The following TBC1D22B variants were observed in gnomAD, a reference collection of about 807,000 sequenced individuals.
The protein encoded by TBC1D22B is chromosome 6 open reading frame 197.
In TBC1D22B, 32 loss-of-function variants were observed where a neutral mutation model predicts 69.1. That is an observed-to-expected ratio of 0.46 (90% CI 0.35 to 0.62). The LOEUF is 0.62. TBC1D22B is among the 20% of genes least tolerant of loss of function. The pLI, the probability that TBC1D22B is intolerant of heterozygous loss-of-function variation, is 0.00. For missense variants in TBC1D22B, 462 were observed against 630.9 expected (o/e 0.73, Z 2.87); for synonymous variants, 206 against 229.8 (o/e 0.90, Z 0.94).
rs139229363 is a variant in TBC1D22B, at chr6:37,316,961, T to C, written c.1293+131T>C. The C allele has an allele frequency of 5.7e-4, 871 of 1,528,158 alleles. 4 individuals are homozygous for C. In the African/African-American group the frequency reaches 9.8e-3, roughly 17 times the overall value. 94.7% of individuals were successfully genotyped at this position (1,528,158 alleles called of 1,614,324 possible). On this transcript the variant is annotated intron_variant, in intron 11 of 12. Coordinates refer to ENST00000373491, the MANE Select transcript of TBC1D22B (RefSeq NM_017772.4). The stretch of plus-strand genomic sequence containing the variant: ...TTCTACTTCCATGTCTGCTTTAGCC[T>C]CAGGGCAGGGCCTTTGCTAAGTCTC...
chr6:37,260,083 C>T (rs1487976756), intron 1 of TBC1D22B, among the ~76,000 whole-genome samples: 2 of 152,218 alleles, frequency 1.3e-5, no homozygotes, highest in Non-Finnish European at 2.9e-5. Flanking sequence ...TACTGTTCAG[C>T]TGTGTGCTTT....
At position 37,325,863 on chromosome 6, in the gene TBC1D22B, C is replaced by T. The variant is rs147233097; in HGVS notation, c.1390-5181C>T. Reference sequence around the variant, plus strand: ...TGGGCAGGGTTTCCCATTGTTGCAGCATGAGGACAGCAGGTGGTAGACTAG... The same window carrying T: ...TGGGCAGGGTTTCCCATTGTTGCAGTATGAGGACAGCAGGTGGTAGACTAG... On this transcript the variant is annotated intron_variant, in intron 12 of 12. Coordinates refer to ENST00000373491, the MANE Select transcript of TBC1D22B (RefSeq NM_017772.4). Among the ~76,000 whole-genome samples the T allele has an allele frequency of 3.6e-3, 554 of 152,270 alleles. 2 individuals carry two copies. Among genetic ancestry groups the T allele is most frequent in the African/African-American group, 0.012 (515 of 41,536 alleles).
intron 1 of TBC1D22B, among the ~76,000 whole-genome samples, chr6:37,264,570 C>T (rs1766213225): frequency 6.6e-6 from 1 of 152,204 alleles, no homozygotes; most frequent in Non-Finnish European, 1.5e-5. Flanking sequence ...CTCGGCCTCT[C>T]AAAGTGCAGG....
intron 8 of TBC1D22B, among the ~76,000 whole-genome samples, chr6:37,298,004 A>G (rs954847496): frequency 6.6e-6 from 1 of 152,158 alleles, no homozygotes; most frequent in African/African-American, 2.4e-5. Context: ...ATGAGAACAC[A>G]TGGACACAGG....
intron 8 of TBC1D22B, among the ~76,000 whole-genome samples, chr6:37,302,082 A>G (rs1368641131): frequency 6.6e-6 from 1 of 152,220 alleles, no homozygotes; most frequent in Admixed American, 6.5e-5. Context: ...ACTTTTAAAA[A>G]TTAGTACCTG....
intron 8 of TBC1D22B, among the ~76,000 whole-genome samples, chr6:37,309,847 G>A (rs149710): frequency 0.91 from 138,319 of 151,948 alleles, 63,094 homozygotes; most frequent in African/African-American, 0.97. Flanking sequence ...ACAGGAACAC[G>A]GACCTTAGAA....
At chr6:37,286,310 G>A (rs1767003151) in intron 6 of TBC1D22B, among the ~76,000 whole-genome samples, 1 of 134,280 alleles carries the variant, frequency 7.4e-6, no homozygotes, top group South Asian at 2.7e-4. Context: ...TTACTACTTT[G>A]ATTTCCATTT....
Position 37,298,548 on chromosome 6 carries a change from T to TTTTTTTTTTG in TBC1D22B, c.982+7200_982+7201insGTTTTTTTTT, listed in dbSNP as rs1562055911. Among the ~76,000 whole-genome samples the TTTTTTTTTTG allele has an allele frequency of 8.0e-4, 112 of 140,476 alleles. 1 individual carries two copies. Among genetic ancestry groups the TTTTTTTTTTG allele is most frequent in the African/African-American group, 2.8e-3 (100 of 35,686 alleles). The allele number at this position is 140,476 out of a possible 152,430, so 92.2% of individuals were successfully genotyped here. The stretch of plus-strand genomic sequence containing the variant: ...ATTTAAGTTGCCTACAGTTTTTTTT[T>TTTTTTTTTTG]TTTTTTTTTTTTTTTGAGACGGAGT... On this transcript the variant is annotated intron_variant, in intron 8 of 12. Transcript: ENST00000373491.
Position 37,269,140 on chromosome 6 carries a change from C to T in TBC1D22B, c.57-454C>T, listed in dbSNP as rs142026076. 8.1e-3 allele frequency among the ~76,000 whole-genome samples: 1,230 copies of T among 152,272 alleles called. 13 individuals carry two copies. The highest frequency in any genetic ancestry group is 0.028 in the African/African-American group (1,155 of 41,540). On this transcript the variant is annotated intron_variant, in intron 1 of 12. Transcript: ENST00000373491. Reference sequence around the variant, plus strand: ...CTAAATTATTTTACTTTATACCCCTCCTGCAGTGTGTGAGTTCCTTAGGTC... The same window carrying T: ...CTAAATTATTTTACTTTATACCCCTTCTGCAGTGTGTGAGTTCCTTAGGTC...
At chr6:37,319,129 A>AG (rs1768166045) in intron 12 of TBC1D22B, among the ~76,000 whole-genome samples, 1 of 152,224 alleles carries the variant, frequency 6.6e-6, no homozygotes, top group Non-Finnish European at 1.5e-5. Context: ...TGCCCAAGTA[A>AG]GGGCTTTGGA....
intron 8 of TBC1D22B, among the ~76,000 whole-genome samples, chr6:37,291,921 G>A (rs943710040): frequency 6.6e-6 from 1 of 152,138 alleles, no homozygotes; most frequent in African/African-American, 2.4e-5. Flanking sequence ...CAGCAGGTGG[G>A]TTTTCTTGTA....
intron 1 of TBC1D22B, among the ~76,000 whole-genome samples, chr6:37,261,061 TCA>T (rs1766080815): frequency 6.6e-6 from 1 of 152,200 alleles, no homozygotes; most frequent in African/African-American, 2.4e-5. Flanking sequence ...TTAAGTTCTC[TCA>T]GTTATTCACA....
rs566416854 is a variant in TBC1D22B at position 37,273,905 on chromosome 6, A to G, written c.113+4255A>G. ...CCCATCATTAATTACTGTGTAGTTA[A>G]TACACATTGCAGCAGAAGCCTTTAC... On this transcript the variant is annotated intron_variant, in intron 2 of 12. Coordinates refer to ENST00000373491, the MANE Select transcript of TBC1D22B (RefSeq NM_017772.4). Among the ~76,000 whole-genome samples the G allele has an allele frequency of 2.0e-5, 3 of 152,346 alleles. No homozygotes were observed. In the East Asian group the frequency reaches 5.8e-4, roughly 29 times the overall value.
intron 8 of TBC1D22B, among the ~76,000 whole-genome samples, chr6:37,302,217 T>G (rs1767591891): frequency 6.6e-6 from 1 of 152,234 alleles, no homozygotes; most frequent in African/African-American, 2.4e-5. Context: ...AGCAGCTTCT[T>G]TATCTGCTGA....
intron 2 of TBC1D22B, among the ~76,000 whole-genome samples, chr6:37,271,029 A>C (rs1037237281): frequency 6.6e-6 from 1 of 152,088 alleles, no homozygotes; most frequent in African/African-American, 2.4e-5. Flanking sequence ...AATGGTGGAT[A>C]CTGCCAGGCG....
chr6:37,327,272 A>T lies in TBC1D22B; in HGVS notation c.1390-3772A>T, dbSNP rs1455407269. Among the ~76,000 whole-genome samples the T allele has an allele frequency of 3.3e-4, 46 of 140,286 alleles. 1 individual carries two copies. In the Middle Eastern group the frequency reaches 0.018, roughly 55 times the overall value. 92.0% of individuals were successfully genotyped at this position (140,286 alleles called of 152,430 possible). ...GGCGGGCGGATCACGAGGTCAGGAG[A>T]TCGAGACCATCCTGGCTAACACGGT... On this transcript the variant is annotated intron_variant, in intron 12 of 12. Transcript: ENST00000373491.
chr6:37,312,849 C>G, intron 8 of TBC1D22B, 69 bp from the exon 9 acceptor site: 1 of 1,353,978 alleles, frequency 7.4e-7, no homozygotes, highest in South Asian at 1.2e-5. Context: ...ATTGAAGACA[C>G]TCGAATCTAT....
intron 8 of TBC1D22B, among the ~76,000 whole-genome samples, chr6:37,306,246 G>C (rs1402093651): frequency 1.3e-5 from 2 of 152,176 alleles, no homozygotes; most frequent in Admixed American, 1.3e-4. Flanking sequence ...AGCTGAGCAG[G>C]ATGTGCACAT....
chr6:37,284,011 C>T (rs1458516944), intron 5 of TBC1D22B, among the ~76,000 whole-genome samples: 1 of 152,178 alleles, frequency 6.6e-6, no homozygotes, highest in Admixed American at 6.5e-5. Context: ...GACTTGGGTC[C>T]AGCTCCCTCC....
Sources: gnomAD v4.1 joint callset for allele counts (sites outside exome capture counted in the v4.1 genomes callset) on GRCh38, gnomAD v4.1.1 for gene constraint, MANE v1.5 for transcripts, NCBI Gene and HGNC (gene_info 2026-07-23, HGNC 2026-07-21) for gene names.